Variants in WDR64 observed in about 807,000 individuals in gnomAD.
The protein encoded by WDR64 is WD repeat-containing protein 64.
A neutral mutation model predicts 139.3 loss-of-function variants in WDR64; 112 were observed. The ratio of observed to expected loss-of-function variants is 0.80; its 90% CI spans 0.69 to 0.94. The LOEUF (loss-of-function observed/expected upper bound fraction) is 0.94. WDR64 is among the 40% of genes least tolerant of loss of function. WDR64 has a pLI of 0.00. For synonymous variants in WDR64, 444 were observed against 437.7 expected (o/e 1.01, Z -0.18); for missense variants, 1,206 against 1,293.1 (o/e 0.93, Z 1.03).
intron 7 of WDR64, among the ~76,000 whole-genome samples, chr1:241,686,702 A>T (rs1380835036): frequency 6.6e-6 from 1 of 152,186 alleles, no homozygotes; most frequent in Non-Finnish European, 1.5e-5. Flanking sequence ...TCTGACAAGG[A>T]ATATTATCAC....
intron 8 of WDR64, among the ~76,000 whole-genome samples, chr1:241,691,989 G>A (rs1004215576): frequency 6.6e-6 from 1 of 150,468 alleles, no homozygotes; most frequent in Non-Finnish European, 1.5e-5. Flanking sequence ...TTCCAGCCTG[G>A]GCAACAGAGC....
rs760138927 is a variant in WDR64, at chr1:241,757,455, C to G, written c.1943C>G (p.Thr648Ser). ...GTTGAGAGGAACTTTTCTCAACCTA[C>G]TGATGTAAGTTTCCTCTCTTGGTTT... ...LIVERNFSQP[T>S]DNPTMDLLRV... The change falls in exon 15 of 28, where the codon ACT (threonine) becomes AGT (serine). Residue 648 changes from threonine to serine, a missense_variant. Coordinates refer to ENST00000437684, the MANE Select transcript of WDR64 (RefSeq NM_001367482.1). 1 of 1,604,974 alleles carries G rather than the reference C, an allele frequency of 6.2e-7. No homozygotes were observed. The highest frequency in any genetic ancestry group is 8.5e-7 in the Non-Finnish European group (1 of 1,175,942).
At chr1:241,684,113 G>A (rs913887919) in intron 7 of WDR64, among the ~76,000 whole-genome samples, 19 of 152,132 alleles carry the variant, frequency 1.2e-4, no homozygotes, top group Non-Finnish European at 2.5e-4. Context: ...AGAATTCAAA[G>A]AAAAAGTTTG....
Position 241,703,245 on chromosome 1 carries a change from T to C in WDR64, c.975-8557T>C, listed in dbSNP as rs776317422. Among the ~76,000 whole-genome samples, 39 of 152,292 alleles carry C rather than the reference T, an allele frequency of 2.6e-4. No homozygotes were observed. Among genetic ancestry groups the C allele is most frequent in the Non-Finnish European group, 4.6e-4 (31 of 68,038 alleles). Reference sequence around the variant, plus strand: ...TAGCAATCACACAGTTCCCCTGGGATGCTTCCCGTCTGCAGCATTGCCTTC... The same window carrying C: ...TAGCAATCACACAGTTCCCCTGGGACGCTTCCCGTCTGCAGCATTGCCTTC... On this transcript the variant is annotated intron_variant, in intron 8 of 27. Transcript: ENST00000437684. The surrounding 1 kb of genome is among the most constrained non-coding windows in gnomAD (Gnocchi z 5.9).
At chr1:241,670,926 C>A in intron 2 of WDR64, 148 bp from the exon 3 acceptor site, 1 of 559,938 alleles carries the variant, frequency 1.8e-6, no homozygotes, top group Non-Finnish European at 3.1e-6. Flanking sequence ...TAAACTGTCT[C>A]CTGGTATAGG....
intron 1 of WDR64, among the ~76,000 whole-genome samples, chr1:241,660,123 C>T (rs547719111): frequency 6.6e-6 from 1 of 152,164 alleles, no homozygotes; most frequent in Admixed American, 6.6e-5. Flanking sequence ...ATTTCCTACA[C>T]GTGGCTATCC....
intron 21 of WDR64, among the ~76,000 whole-genome samples, chr1:241,777,985 ATGTG>A (rs1172562838): frequency 6.6e-6 from 1 of 152,090 alleles, no homozygotes; most frequent in Non-Finnish European, 1.5e-5. Context: ...TGTGTTCTGA[ATGTG>A]TGTGTATGAA....
At chr1:241,760,896 G>A (rs1040472025) in intron 15 of WDR64, among the ~76,000 whole-genome samples, 1 of 151,184 alleles carries the variant, frequency 6.6e-6, no homozygotes, top group African/African-American at 2.4e-5. Context: ...CTCCCGAGTA[G>A]CTGGGATTAC....
intron 19 of WDR64, among the ~76,000 whole-genome samples, chr1:241,772,008 TTGAGG>T (rs1658474230): frequency 7.5e-6 from 1 of 132,756 alleles, no homozygotes; most frequent in Non-Finnish European, 1.6e-5. Flanking sequence ...GAACCAAACA[TTGAGG>T]TGCTATGGGA....
rs55986759 is a variant in WDR64 at position 241,793,240 on chromosome 1, G to T, written c.2998-1967G>T. ...TAAAATTATATAAACAAAAGCAAGA[G>T]AATTAAAAACACAAAATTCTGGATT... On this transcript the variant is annotated intron_variant, in intron 25 of 27. Coordinates refer to ENST00000437684, the MANE Select transcript of WDR64 (RefSeq NM_001367482.1). Among the ~76,000 whole-genome samples, 1,209 of 152,272 alleles carry T rather than the reference G, an allele frequency of 7.9e-3. 15 individuals carry two copies. Among genetic ancestry groups the T allele is most frequent in the African/African-American group, 0.027 (1,105 of 41,560 alleles).
intron 14 of WDR64, among the ~76,000 whole-genome samples, chr1:241,754,832 G>T (rs1346719434): frequency 6.6e-6 from 1 of 151,250 alleles, no homozygotes; most frequent in African/African-American, 2.4e-5. Flanking sequence ...TTGGTTTTCT[G>T]TTCCTGTGTT....
intron 8 of WDR64, among the ~76,000 whole-genome samples, chr1:241,710,610 A>T (rs72768083): frequency 6.6e-6 from 1 of 152,062 alleles, no homozygotes; most frequent in Non-Finnish European, 1.5e-5. Flanking sequence ...GATGGTTGTT[A>T]GTGGGGCTGG....
chr1:241,740,098 T>C (rs1444851438), intron 11 of WDR64, among the ~76,000 whole-genome samples: 1 of 152,198 alleles, frequency 6.6e-6, no homozygotes, highest in Non-Finnish European at 1.5e-5. Flanking sequence ...AGAAACTGAA[T>C]CTCAAACAGC....
intron 10 of WDR64, among the ~76,000 whole-genome samples, chr1:241,735,368 G>A (rs1669258472): frequency 6.6e-6 from 1 of 151,954 alleles, no homozygotes; most frequent in Non-Finnish European, 1.5e-5. Flanking sequence ...TTGAACGGAA[G>A]TTTTTAATTT....
chr1:241,754,974 T>A (rs1381977586), intron 14 of WDR64, among the ~76,000 whole-genome samples: 1 of 152,246 alleles, frequency 6.6e-6, no homozygotes, highest in Non-Finnish European at 1.5e-5. Flanking sequence ...CTATCATTGA[T>A]GGGCATTTAG....
At chr1:241,699,583 G>A (rs528219908) in intron 8 of WDR64, among the ~76,000 whole-genome samples, 2 of 152,120 alleles carry the variant, frequency 1.3e-5, no homozygotes, top group Non-Finnish European at 2.9e-5. Flanking sequence ...GATTGTAGGG[G>A]TGGGTGGGGG....
intron 14 of WDR64, among the ~76,000 whole-genome samples, chr1:241,751,494 C>A (rs1023514411): frequency 1.3e-5 from 2 of 152,130 alleles, no homozygotes; most frequent in Non-Finnish European, 2.9e-5. Context: ...ACCCCCATCC[C>A]GGCTCCACAA....
At chr1:241,774,765 T>C (rs562354821) in intron 20 of WDR64, among the ~76,000 whole-genome samples, 11 of 151,332 alleles carry the variant, frequency 7.3e-5, no homozygotes, top group African/African-American at 2.7e-4. Context: ...AAAAAAGAAA[T>C]AAAAAGAAAA....
intron 25 of WDR64, among the ~76,000 whole-genome samples, chr1:241,794,672 C>T (rs1039632554): frequency 6.6e-6 from 1 of 151,914 alleles, no homozygotes; most frequent in Admixed American, 6.6e-5. Context: ...CCACGCCCAG[C>T]TAATTTTTAT....
Sources: gnomAD v4.1 joint callset for allele counts (sites outside exome capture counted in the v4.1 genomes callset) on GRCh38, gnomAD v4.1.1 for gene constraint, Gnocchi (gnomAD v3.1) non-coding constraint, MANE v1.5 for transcripts, NCBI Gene and HGNC (gene_info 2026-07-23, HGNC 2026-07-21) for gene names.